SRRM4: variants seen among roughly 807,000 people sequenced by gnomAD.
SRRM4 encodes the protein serine/arginine repetitive matrix 4, also known as serine/arginine repetitive matrix protein 4.
A neutral mutation model predicts 68.9 loss-of-function variants in SRRM4; 33 were observed. The ratio of observed to expected loss-of-function variants is 0.48; its 90% CI spans 0.36 to 0.64. The LOEUF (loss-of-function observed/expected upper bound fraction) is 0.64. SRRM4 is among the 30% of genes least tolerant of loss of function. SRRM4 has a pLI of 0.00. For missense variants in SRRM4, 817 were observed against 827.1 expected, an observed-to-expected ratio of 0.99 and a Z score of 0.15; for synonymous variants, 318 against 318.8, an observed-to-expected ratio of 1.00 and a Z score of 0.03.
chr12:119,139,438 T>C (rs1037253966), intron 8 of SRRM4, among the ~76,000 whole-genome samples: 3 of 152,182 alleles, frequency 2.0e-5, no homozygotes, highest in Admixed American at 6.5e-5. Context: ...TAGGAGACCA[T>C]TAAACTATCT....
At chr12:119,066,312 C>T (rs1246548552) in intron 1 of SRRM4, among the ~76,000 whole-genome samples, 1 of 152,166 alleles carries the variant, frequency 6.6e-6, no homozygotes, top group African/African-American at 2.4e-5. Flanking sequence ...TTACCAATCC[C>T]ATTTATAGAT....
intron 1 of SRRM4, among the ~76,000 whole-genome samples, chr12:119,005,731 C>T (rs920406521): frequency 3.3e-5 from 5 of 152,160 alleles, no homozygotes; most frequent in African/African-American, 4.8e-5. Context: ...ACAGAGTAAT[C>T]GATCAATACC....
chr12:119,130,370 G>C (rs748527325), intron 7 of SRRM4, among the ~76,000 whole-genome samples: 1 of 151,390 alleles, frequency 6.6e-6, no homozygotes, highest in Non-Finnish European at 1.5e-5. Context: ...ATGATTGAGA[G>C]ATGGCTAGTT....
intron 1 of SRRM4, among the ~76,000 whole-genome samples, chr12:119,017,645 G>A (rs902307131): frequency 6.6e-6 from 1 of 152,158 alleles, no homozygotes; most frequent in Admixed American, 6.5e-5. Flanking sequence ...GACTAGAAGA[G>A]GAATAACAAA....
At chr12:119,093,020 G>A (rs1206362932) in intron 1 of SRRM4, among the ~76,000 whole-genome samples, 1 of 152,120 alleles carries the variant, frequency 6.6e-6, no homozygotes, top group Non-Finnish European at 1.5e-5. Context: ...ATGTTCTCCT[G>A]GGCATGCTCA....
chr12:119,032,856 T>C (rs1051191483), intron 1 of SRRM4, among the ~76,000 whole-genome samples: 3 of 152,164 alleles, frequency 2.0e-5, no homozygotes, highest in Non-Finnish European at 4.4e-5. Flanking sequence ...TATGTTAATA[T>C]GGTAATTTAT....
At chr12:119,052,750 G>A (rs1004431925) in intron 1 of SRRM4, among the ~76,000 whole-genome samples, 4 of 152,100 alleles carry the variant, frequency 2.6e-5, no homozygotes, top group African/African-American at 7.2e-5. Context: ...GAATGGTCTC[G>A]ATCTCCTGAC....
intron 2 of SRRM4, among the ~76,000 whole-genome samples, chr12:119,105,852 T>C (rs1030772955): frequency 7.2e-5 from 11 of 152,214 alleles, no homozygotes; most frequent in African/African-American, 1.7e-4. Flanking sequence ...AATTTTGGCT[T>C]TTGTTGCCAT....
chr12:119,094,044 CAT>C lies in SRRM4; in HGVS notation c.132-8191_132-8190del. On this transcript the variant is annotated intron_variant, in intron 1 of 12. Coordinates refer to ENST00000267260, the MANE Select transcript of SRRM4 (RefSeq NM_194286.4). ...GAAATGCTGAGCTGATTTTTCTCCA[CAT>C]GATTCTTTTGTCCTTTGACCTGAAC... Among the ~76,000 whole-genome samples, 3 of 152,252 alleles carry C rather than the reference CAT, an allele frequency of 2.0e-5. No homozygotes were observed. In the East Asian group the frequency reaches 5.8e-4, roughly 29 times the overall value.
At chr12:119,053,900 C>T (rs758136358) in intron 1 of SRRM4, among the ~76,000 whole-genome samples, 3 of 152,150 alleles carry the variant, frequency 2.0e-5, no homozygotes, top group African/African-American at 4.8e-5. Flanking sequence ...TCCAATTATA[C>T]TCTTTTATTT....
At chr12:119,098,674 T>A (rs536049450) in intron 1 of SRRM4, among the ~76,000 whole-genome samples, 28 of 152,256 alleles carry the variant, frequency 1.8e-4, no homozygotes, top group African/African-American at 6.5e-4. Flanking sequence ...AGGGGATAGA[T>A]CTTCCCAAAA....
At chr12:119,087,810 G>A (rs1953988812) in intron 1 of SRRM4, among the ~76,000 whole-genome samples, 1 of 152,064 alleles carries the variant, frequency 6.6e-6, no homozygotes. Flanking sequence ...TGCTCAGTCT[G>A]GAGACCAGGC....
At chr12:119,025,047 T>C (rs1035618656) in intron 1 of SRRM4, among the ~76,000 whole-genome samples, 7 of 152,192 alleles carry the variant, frequency 4.6e-5, no homozygotes, top group Non-Finnish European at 7.4e-5. Context: ...GGATGGGTGC[T>C]TTGATGGAGG....
chr12:119,105,203 C>G (rs1291673017), intron 2 of SRRM4, among the ~76,000 whole-genome samples: 1 of 152,002 alleles, frequency 6.6e-6, no homozygotes, highest in African/African-American at 2.4e-5. Context: ...CCACACTTTC[C>G]TAATCCAGTC....
chr12:119,093,799 G>GGCAGCC (rs1954028177), intron 1 of SRRM4, among the ~76,000 whole-genome samples: 1 of 152,194 alleles, frequency 6.6e-6, no homozygotes, highest in Non-Finnish European at 1.5e-5. Context: ...CCTAGTTGGA[G>GGCAGCC]GCAGCCTGCA....
Position 119,087,061 on chromosome 12 carries a change from G to A in SRRM4, c.132-15175G>A, listed in dbSNP as rs142041397. Among the ~76,000 whole-genome samples the A allele has an allele frequency of 1.9e-4, 29 of 152,276 alleles. No individual in the cohort carries two copies. The East Asian group carries it at 3.7e-3, about 19-fold the overall frequency. Reference sequence around the variant, plus strand: ...CCCAAGAGGTGTACTATGGTGAAAGGGTTAAAACCATGGACTCTGGAGTCA... The same window carrying A: ...CCCAAGAGGTGTACTATGGTGAAAGAGTTAAAACCATGGACTCTGGAGTCA... On this transcript the variant is annotated intron_variant, in intron 1 of 12. Transcript: ENST00000267260.
intron 2 of SRRM4, among the ~76,000 whole-genome samples, chr12:119,112,802 G>C (rs545784112): frequency 1.3e-5 from 2 of 152,240 alleles, no homozygotes; most frequent in East Asian, 3.9e-4. Context: ...GGGCCTGTTG[G>C]GGGAGAGTGG....
chr12:119,126,692 G>A (rs931503956), intron 7 of SRRM4, among the ~76,000 whole-genome samples: 2 of 152,188 alleles, frequency 1.3e-5, no homozygotes, highest in Non-Finnish European at 2.9e-5. Flanking sequence ...AGGAAGGGAA[G>A]GAGAAGAGCA....
intron 1 of SRRM4, among the ~76,000 whole-genome samples, chr12:119,096,927 C>G (rs759945412): frequency 2.6e-5 from 4 of 152,104 alleles, no homozygotes; most frequent in Non-Finnish European, 4.4e-5. Context: ...TGACTCTTAT[C>G]GGAGCCTTGG....
Sources: allele counts gnomAD v4.1 joint callset (sites outside exome capture counted in the v4.1 genomes callset), GRCh38; gene constraint gnomAD v4.1.1; transcripts MANE v1.5; gene names NCBI Gene and HGNC (gene_info 2026-07-23, HGNC 2026-07-21).